The following DPY19L4 variants were observed in gnomAD, a reference collection of about 807,000 sequenced individuals.
DPY19L4 encodes dpy-19 like 4.
Under a neutral mutation model 102.8 loss-of-function variants are expected in DPY19L4, and 97 were observed. That is an observed-to-expected ratio of 0.94 (90% CI 0.80 to 1.12). DPY19L4 has a LOEUF of 1.12. Among genes scored for constraint, DPY19L4 ranks in the 50% most tolerant of loss-of-function variants. The probability of loss-of-function intolerance (pLI) is 0.00; values close to 1 mark genes in which losing one functional copy is unlikely to be tolerated. For synonymous variants in DPY19L4, 252 were observed against 283.1 expected, an observed-to-expected ratio of 0.89 and a Z score of 1.10; for missense variants, 815 against 850.4, an observed-to-expected ratio of 0.96 and a Z score of 0.52.
intron 6 of DPY19L4, among the ~76,000 whole-genome samples, chr8:94,743,953 C>G (rs965744679): frequency 6.6e-6 from 1 of 152,184 alleles, no homozygotes; most frequent in Non-Finnish European, 1.5e-5. Context: ...CTGCATTGAA[C>G]TGAGATCATG....
At chr8:94,732,124 G>T (rs141455958) in intron 2 of DPY19L4, among the ~76,000 whole-genome samples, 2,161 of 151,416 alleles carry the variant, frequency 0.014, 51 homozygotes, top group African/African-American at 0.049. Context: ...TATTTAATTA[G>T]TTACTCTATA....
chr8:94,723,757 G>A (rs980482536), intron 1 of DPY19L4, among the ~76,000 whole-genome samples: 2 of 152,124 alleles, frequency 1.3e-5, no homozygotes, highest in Non-Finnish European at 2.9e-5. Flanking sequence ...CACACATTCA[G>A]TATGACAGTG....
intron 3 of DPY19L4, among the ~76,000 whole-genome samples, chr8:94,736,954 C>T (rs78172193): frequency 0.023 from 3,470 of 152,120 alleles, 54 homozygotes; most frequent in South Asian, 0.053. Context: ...CTAGATTTTC[C>T]GGATATATGT....
At chr8:94,763,078 A>G (rs1170744361) in intron 8 of DPY19L4, among the ~76,000 whole-genome samples, 1 of 150,598 alleles carries the variant, frequency 6.6e-6, no homozygotes, top group Non-Finnish European at 1.5e-5. Flanking sequence ...CCTCCCGAGT[A>G]GCTGGGATTA....
chr8:94,739,475 C>G lies in DPY19L4; in HGVS notation c.406C>G (p.Gln136Glu). The change falls in exon 5 of 19, where the codon CAA becomes GAA. Residue 136 changes from glutamine (Q) to glutamate (E), a missense_variant. Gln to Glu is a conservative substitution (Grantham distance 29). Transcript: ENST00000414645. ...TCTGAAGACTATAAATGCAGTGCAGCAAATGTCTCTGTATCCGGAACTTAT... is the reference window on the plus strand; with the variant it reads ...TCTGAAGACTATAAATGCAGTGCAGGAAATGTCTCTGTATCCGGAACTTAT... ...VSLKTINAVQ[Q>E]MSLYPELIAS... is the part of the protein sequence containing the mutation. 4 of 1,609,170 alleles carry G rather than the reference C, an allele frequency of 2.5e-6. No homozygotes were observed. The highest frequency in any genetic ancestry group is 3.4e-6 in the Non-Finnish European group (4 of 1,178,842).
chr8:94,746,054 AT>A (rs35095979), intron 6 of DPY19L4, among the ~76,000 whole-genome samples: 4,165 of 67,028 alleles, frequency 0.062, 147 homozygotes, highest in African/African-American at 0.19. Context: ...ATGCCTGGCC[AT>A]TTTTTTTTTT....
chr8:94,778,361 T>A (rs756319328), intron 14 of DPY19L4, among the ~76,000 whole-genome samples: 60 of 152,216 alleles, frequency 3.9e-4, no homozygotes, highest in Non-Finnish European at 6.5e-4. Context: ...ATGATATCTT[T>A]CTTGGTTTGA....
chr8:94,740,777 G>T (rs1398135546), intron 6 of DPY19L4, among the ~76,000 whole-genome samples: 1 of 151,956 alleles, frequency 6.6e-6, no homozygotes, highest in African/African-American at 2.4e-5. Context: ...TTTTTATGCT[G>T]CTTTCTCTAT....
At chr8:94,768,233 G>T (rs559329932) in intron 11 of DPY19L4, among the ~76,000 whole-genome samples, 162 bp from the exon 12 acceptor site, 1 of 152,086 alleles carries the variant, frequency 6.6e-6, no homozygotes, top group African/African-American at 2.4e-5. Context: ...TTACTAATAT[G>T]ATACTATTAT....
chr8:94,724,174 A>G (rs1369191546), intron 1 of DPY19L4, among the ~76,000 whole-genome samples: 1 of 152,232 alleles, frequency 6.6e-6, no homozygotes, highest in Non-Finnish European at 1.5e-5. Context: ...GAAAAGACCC[A>G]CCTACCTAGC....
At chr8:94,768,298 G>A (rs1812765742) in intron 11 of DPY19L4, 97 bp from the exon 12 acceptor site, 2 of 925,656 alleles carry the variant, frequency 2.2e-6, no homozygotes, top group Non-Finnish European at 3.3e-6. Flanking sequence ...TTTAGGAAAT[G>A]TGTTTTTTCT....
At chr8:94,770,977 C>G (rs1417599845) in intron 13 of DPY19L4, among the ~76,000 whole-genome samples, 1 of 149,940 alleles carries the variant, frequency 6.7e-6, no homozygotes, top group Non-Finnish European at 1.5e-5. Context: ...TGCAGTGGTG[C>G]AATCTCAGCT....
Position 94,781,103 on chromosome 8 carries a change from CAG to C in DPY19L4, c.1654_1655del (p.Glu552IlefsTer9). 7.0e-7 allele frequency: 1 copy of C among 1,419,664 alleles called. No homozygotes were observed. Among genetic ancestry groups the C allele is most frequent in the Admixed American group, 2.1e-5 (1 of 47,004 alleles). 87.9% of individuals were successfully genotyped at this position (1,419,664 alleles called of 1,614,324 possible). On this transcript the variant is annotated frameshift_variant, in exon 16 of 19. Coordinates refer to ENST00000414645, the MANE Select transcript of DPY19L4 (RefSeq NM_181787.3). LOFTEE classifies it high-confidence loss of function. ...TTTTAGTTTTTTCCCAGATTAATGA[CAG>C]AATTAATGGAACTACAGGAATTCTA...
At chr8:94,755,884 C>CA (rs909300460) in intron 6 of DPY19L4, 152 bp from the exon 7 acceptor site, 30,832 of 604,050 alleles carry the variant, frequency 0.051, no homozygotes, top group Middle Eastern at 0.063. Flanking sequence ...GACTCCATCT[C>CA]AAAAAAAAAA....
At chr8:94,739,973 C>T (rs1017261506) in intron 6 of DPY19L4, among the ~76,000 whole-genome samples, 183 bp downstream of exon 6, 2 of 152,082 alleles carry the variant, frequency 1.3e-5, no homozygotes, top group African/African-American at 2.4e-5. Context: ...GAAAGATTAC[C>T]CTGTGGGCCT....
chr8:94,725,008 C>CTTT lies in DPY19L4; in HGVS notation c.17-1316_17-1314dup, dbSNP rs34943836. Among the ~76,000 whole-genome samples the CTTT allele has an allele frequency of 1.1e-4, 17 of 151,518 alleles. No homozygotes were observed. The East Asian group carries it at 1.2e-3, about 10-fold the overall frequency. On this transcript the variant is annotated intron_variant, in intron 1 of 18. Transcript: ENST00000414645. ...CAGTCTGAATCCACTAAATGTACAG[C>CTTT]TTTTTTTTTATCACTATGCCAGTGT...
intron 6 of DPY19L4, chr8:94,744,660 T>C (rs923953835): frequency 3.2e-5 from 14 of 438,402 alleles, no homozygotes; most frequent in Non-Finnish European, 5.0e-5. Flanking sequence ...TACTTTCTCA[T>C]GTAAACATAA....
chr8:94,726,304 T>C, intron 1 of DPY19L4, 27 bp from the exon 2 acceptor site: 1 of 1,564,630 alleles, frequency 6.4e-7, no homozygotes, highest in Non-Finnish European at 8.6e-7. Flanking sequence ...TATACACACA[T>C]TGCAATAATG....
intron 2 of DPY19L4, among the ~76,000 whole-genome samples, chr8:94,730,401 A>G (rs1485995539): frequency 6.6e-6 from 1 of 152,160 alleles, no homozygotes; most frequent in Non-Finnish European, 1.5e-5. Flanking sequence ...TACTTATTCC[A>G]AACACTGAAA....
Sources: gnomAD v4.1 joint callset for allele counts (sites outside exome capture counted in the v4.1 genomes callset) on GRCh38, gnomAD v4.1.1 for gene constraint, MANE v1.5 for transcripts, NCBI Gene and HGNC (gene_info 2026-07-23, HGNC 2026-07-21) for gene names.